ARHGAP39: variants seen among roughly 807,000 people sequenced by gnomAD.
The protein encoded by ARHGAP39 is rho GTPase-activating protein 39.
ARHGAP39 carries 44 observed loss-of-function variants against 106.9 expected under a neutral mutation model. The observed-to-expected ratio is 0.41, with a 90% CI of 0.32 to 0.53. The LOEUF (loss-of-function observed/expected upper bound fraction) is 0.53. Among genes scored for constraint, ARHGAP39 ranks in the 20% least tolerant of loss-of-function variants. ARHGAP39 has a pLI of 0.21. For missense variants in ARHGAP39, 1,496 were observed against 1,577.3 expected (o/e 0.95, Z 0.87); for synonymous variants, 768 against 693.2 (o/e 1.11, Z -1.69).
chr8:144,579,594 T>C (rs1030171935), intron 3 of ARHGAP39, among the ~76,000 whole-genome samples: 13 of 152,110 alleles, frequency 8.5e-5, no homozygotes, highest in Non-Finnish European at 1.9e-4. Flanking sequence ...GGCCTCCCTT[T>C]CATCCTGCCA....
At position 144,645,278 on chromosome 8, in the gene ARHGAP39, C is replaced by T. The variant is rs1821413230; in HGVS notation, c.-81-39583G>A. ...TCTGGGACACTACATGAACTGAAGG[C>T]ACGAGAAGTCCAGGTGTCAAGGAGA... On this transcript the variant is annotated intron_variant, in intron 1 of 11. Transcript: ENST00000377307. This position sits in a 1 kb window ranked among gnomAD's most constrained non-coding sequence, Gnocchi z 4.4. 6.6e-6 allele frequency among the ~76,000 whole-genome samples: 1 copy of T among 152,238 alleles called. No individual in the cohort carries two copies. Among genetic ancestry groups the T allele is most frequent in the African/African-American group, 2.4e-5 (1 of 41,464 alleles).
chr8:144,536,485 C>T (rs924067211), intron 7 of ARHGAP39, among the ~76,000 whole-genome samples: 1 of 152,194 alleles, frequency 6.6e-6, no homozygotes, highest in African/African-American at 2.4e-5. Context: ...TTATGGCCAG[C>T]GGTGTCGGTC....
intron 3 of ARHGAP39, among the ~76,000 whole-genome samples, chr8:144,556,283 T>TAAA (rs773901158): frequency 6.9e-5 from 6 of 87,294 alleles, no homozygotes; most frequent in Admixed American, 1.3e-4. Flanking sequence ...AGACTCCATC[T>TAAA]AAAAAAAAAA....
At chr8:144,629,445 G>T (rs886854338) in intron 1 of ARHGAP39, among the ~76,000 whole-genome samples, 3 of 152,240 alleles carry the variant, frequency 2.0e-5, no homozygotes, top group African/African-American at 7.2e-5. Flanking sequence ...GGCCCTGGCA[G>T]ATGTTAGAGC....
chr8:144,603,669 G>A (rs1261266082), intron 2 of ARHGAP39, among the ~76,000 whole-genome samples: 3 of 140,816 alleles, frequency 2.1e-5, no homozygotes, highest in African/African-American at 5.5e-5. Flanking sequence ...CAGCCTGGGC[G>A]ACAAAGCGAG....
At chr8:144,695,649 T>C in the ARHGAP39 span, among the ~76,000 whole-genome samples, 5 of 152,204 alleles carry the variant, frequency 3.3e-5, no homozygotes. Flanking sequence ...GATTTTCCTT[T>C]ATACTTTGGT....
rs192563693 is a variant in ARHGAP39 at position 144,552,506 on chromosome 8, A to G, written c.596+3054T>C. On this transcript the variant is annotated intron_variant, in intron 4 of 11. Transcript: ENST00000377307. ...CAGAACAAGAAACCATACGTCTGAA[A>G]TTATGCTTGAAAAACAACTTCACTC... is the stretch of plus-strand genomic sequence containing the variant. Among the ~76,000 whole-genome samples the G allele has an allele frequency of 1.1e-4, 16 of 152,358 alleles. No individual in the cohort carries two copies. The East Asian group carries it at 2.7e-3, about 26-fold the overall frequency.
chr8:144,639,018 C>CT (rs895086229), intron 1 of ARHGAP39, among the ~76,000 whole-genome samples: 9 of 152,294 alleles, frequency 5.9e-5, no homozygotes, highest in African/African-American at 2.2e-4. Flanking sequence ...AGCCAGTATG[C>CT]TTTTTTTAAA....
At chr8:144,698,986 T>G in the ARHGAP39 span, 1 of 422,614 alleles carries the variant, frequency 2.4e-6, no homozygotes, top group Middle Eastern at 3.5e-4. Context: ...GCGTTTCTCT[T>G]TGGAGTGGCC....
At chr8:144,598,366 C>T (rs1819710187) in intron 2 of ARHGAP39, among the ~76,000 whole-genome samples, 1 of 152,128 alleles carries the variant, frequency 6.6e-6, no homozygotes, top group Non-Finnish European at 1.5e-5. Context: ...TGGAGGGATA[C>T]CAAGGTGCCA....
Position 144,547,665 on chromosome 8 carries a change from G to A in ARHGAP39, c.1421C>T (p.Ser474Phe), listed in dbSNP as rs149242639. The change falls in exon 5 of 12, where the codon TCC (serine) becomes TTC (phenylalanine). Residue 474 changes from serine to phenylalanine, a missense_variant. Transcript: ENST00000377307. This position sits in a 1 kb window ranked among gnomAD's most constrained non-coding sequence, Gnocchi z 5.2. ...CAGGGTGTCCTGCTGGCTGGACCAG[G>A]ACATGGCATCCTCCTGGGCCTGTGG... Reference protein sequence around the residue: ...PLPQAQEDAMSWSSQQDTLSS... With the variant: ...PLPQAQEDAMFWSSQQDTLSS... 5.4e-5 allele frequency: 85 copies of A among 1,562,072 alleles called. No individual in the cohort carries two copies. Among genetic ancestry groups the A allele is most frequent in the Non-Finnish European group, 6.8e-5 (79 of 1,158,250 alleles).
Position 144,628,389 on chromosome 8 carries a change from G to A in ARHGAP39, c.-81-22694C>T, listed in dbSNP as rs369087931. On this transcript the variant is annotated intron_variant, in intron 1 of 11. Transcript: ENST00000377307. ...AGCCAGGAGAACACACACAGAGAGG[G>A]CTGGTCCAGCAACCCTCGTGCCAGA... Among the ~76,000 whole-genome samples the A allele has an allele frequency of 1.6e-4, 24 of 152,252 alleles. No homozygotes were observed. In the East Asian group the frequency reaches 2.3e-3, roughly 15 times the overall value.
chr8:144,576,205 C>T (rs368297952), intron 3 of ARHGAP39, among the ~76,000 whole-genome samples: 83 of 151,712 alleles, frequency 5.5e-4, no homozygotes, highest in East Asian at 1.2e-3. Context: ...TGGTGGTGGG[C>T]GCCTGAAGTC....
chr8:144,634,954 G>A (rs1268403886), intron 1 of ARHGAP39, among the ~76,000 whole-genome samples: 2 of 152,256 alleles, frequency 1.3e-5, no homozygotes, highest in Non-Finnish European at 2.9e-5. Context: ...TTCTGGCCTT[G>A]GGTAACTTCT....
rs1296043258 is a variant in ARHGAP39 at position 144,684,182 on chromosome 8, G to C, written c.-82+1504C>G. Reference sequence around the variant, plus strand: ...GCTGGCTACACCAAGTGCAGGGAGCGAGGCGCCACCCCCATTCATTCACTC... The same window carrying C: ...GCTGGCTACACCAAGTGCAGGGAGCCAGGCGCCACCCCCATTCATTCACTC... On this transcript the variant is annotated intron_variant, in intron 1 of 11. Transcript: ENST00000377307. This position sits in a 1 kb window ranked among gnomAD's most constrained non-coding sequence, Gnocchi z 4.4. Among the ~76,000 whole-genome samples, 1 of 152,190 alleles carries C rather than the reference G, an allele frequency of 6.6e-6. No individual in the cohort carries two copies. The highest frequency in any genetic ancestry group is 1.9e-4 in the East Asian group (1 of 5,194).
chr8:144,530,472 G>A lies in ARHGAP39; in HGVS notation c.3295C>T (p.Arg1099Trp). ...ENTRKEMSFL[R>W]VLIQHLDTSF... Reference sequence around the variant, plus strand: ...GTGTCCAGGTGCTGGATGAGCACCCGCAGGAAGGACATCTCCTTGCGGGTG... The same window carrying A: ...GTGTCCAGGTGCTGGATGAGCACCCACAGGAAGGACATCTCCTTGCGGGTG... The change falls in exon 12 of 12, where the codon CGG becomes TGG. Residue 1099 changes from arginine (R) to tryptophan (W), a missense_variant. Transcript: ENST00000377307. The A allele has an allele frequency of 6.2e-7, 1 of 1,611,290 alleles. No homozygotes were observed.
chr8:144,554,819 G>GAAAC (rs1385683919), intron 4 of ARHGAP39, among the ~76,000 whole-genome samples: 4 of 152,230 alleles, frequency 2.6e-5, no homozygotes, highest in African/African-American at 9.6e-5. Context: ...ACGAATGTAA[G>GAAAC]AAACAAACCG....
At chr8:144,688,774 CA>C (rs1189118969), upstream of ARHGAP39, among the ~76,000 whole-genome samples, 1 of 152,078 alleles carries the variant, frequency 6.6e-6, no homozygotes, top group Non-Finnish European at 1.5e-5. Context: ...GCTCGTGGAC[CA>C]GGTGGTATAA....
intron 1 of ARHGAP39, among the ~76,000 whole-genome samples, chr8:144,654,284 T>C (rs1821643738): frequency 6.6e-6 from 1 of 152,124 alleles, no homozygotes. Flanking sequence ...GCAAGTGGAC[T>C]GCTTGAGCCC....
Sources: allele counts gnomAD v4.1 joint callset (sites outside exome capture counted in the v4.1 genomes callset), GRCh38; gene constraint gnomAD v4.1.1; non-coding constraint Gnocchi (gnomAD v3.1); transcripts MANE v1.5; gene names NCBI Gene and HGNC (gene_info 2026-07-23, HGNC 2026-07-21).